The following CADM2 variants were observed in gnomAD, a reference collection of about 807,000 sequenced individuals.
CADM2 encodes immunoglobulin superfamily member 4D.
A neutral mutation model predicts 49.8 loss-of-function variants in CADM2; 12 were observed. That is an observed-to-expected ratio of 0.24 (90% confidence interval 0.15 to 0.39). CADM2 has a LOEUF of 0.39. Among genes scored for constraint, CADM2 ranks in the 10% least tolerant of loss-of-function variants. The pLI is 1.00. For missense variants in CADM2, 378 were observed against 492.3 expected (o/e 0.77, Z 2.20); for synonymous variants, 214 against 175.4 (o/e 1.22, Z -1.74).
intron 8 of CADM2, among the ~76,000 whole-genome samples, chr3:85,969,559 A>G (rs1559773521): frequency 6.6e-6 from 1 of 151,220 alleles, no homozygotes; most frequent in Non-Finnish European, 1.5e-5. Context: ...AATACTCTAC[A>G]AGACATATAT....
At chr3:85,710,750 G>A (rs527974835) in intron 1 of CADM2, among the ~76,000 whole-genome samples, 10 of 152,262 alleles carry the variant, frequency 6.6e-5, no homozygotes, top group Non-Finnish European at 1.2e-4. Flanking sequence ...TTTACTCATT[G>A]CATTTTTAAG....
chr3:85,714,755 T>A (rs563345189), intron 1 of CADM2, among the ~76,000 whole-genome samples: 8 of 152,042 alleles, frequency 5.3e-5, no homozygotes, highest in African/African-American at 1.9e-4. Context: ...TACTTGACCT[T>A]ATTCTGCTTC....
At chr3:85,413,033 C>T (rs1479846724) in intron 1 of CADM2, among the ~76,000 whole-genome samples, 3 of 144,982 alleles carry the variant, frequency 2.1e-5, no homozygotes, top group Non-Finnish European at 4.5e-5. Flanking sequence ...CCCAGCTATG[C>T]GGGAGGCTGA....
At chr3:85,519,557 G>A (rs73843639) in intron 1 of CADM2, among the ~76,000 whole-genome samples, 2,409 of 152,010 alleles carry the variant, frequency 0.016, 72 homozygotes, top group African/African-American at 0.055. Flanking sequence ...AGCCAATATC[G>A]TATGGCTTAT....
At chr3:85,073,148 T>C (rs773539847) in intron 1 of CADM2, among the ~76,000 whole-genome samples, 7 of 152,174 alleles carry the variant, frequency 4.6e-5, no homozygotes, top group Non-Finnish European at 8.8e-5. Flanking sequence ...AATGGACATT[T>C]ATTTGATGTG....
intron 1 of CADM2, among the ~76,000 whole-genome samples, chr3:85,638,882 A>G (rs2064609240): frequency 6.6e-6 from 1 of 152,132 alleles, no homozygotes; most frequent in Non-Finnish European, 1.5e-5. Context: ...TTCCTAAAAT[A>G]TTTCCCCAAT....
At chr3:85,075,367 G>A (rs1301598931) in intron 1 of CADM2, among the ~76,000 whole-genome samples, 1 of 151,970 alleles carries the variant, frequency 6.6e-6, no homozygotes, top group Non-Finnish European at 1.5e-5. Context: ...TGGAAGTTGT[G>A]AAAATAAATG....
chr3:85,451,712 A>G (rs2037755301), intron 1 of CADM2, among the ~76,000 whole-genome samples: 1 of 152,158 alleles, frequency 6.6e-6, no homozygotes, highest in African/African-American at 2.4e-5. Flanking sequence ...TATTCTGTGC[A>G]TAAGGCAGAT....
intron 1 of CADM2, among the ~76,000 whole-genome samples, chr3:85,359,662 A>ATTTTTTTT (rs71108279): frequency 1.5e-4 from 4 of 25,934 alleles, no homozygotes; most frequent in African/African-American, 4.8e-4. Flanking sequence ...ATATATATAT[A>ATTTTTTTT]TATATTTTTT....
intron 1 of CADM2, among the ~76,000 whole-genome samples, chr3:85,537,702 C>G (rs970882625): frequency 6.6e-6 from 1 of 151,736 alleles, no homozygotes; most frequent in African/African-American, 2.4e-5. Flanking sequence ...TGTAAAATAA[C>G]TACAAACTCA....
At position 85,186,086 on chromosome 3, in the gene CADM2, G is replaced by A. The variant is rs1253738543; in HGVS notation, c.61+226418G>A. Reference sequence around the variant, plus strand: ...GTATTTGAATACTGTTCAGGAGACTGTAGTTGCTGGAAATTTAGATTGTTT... The same window carrying A: ...GTATTTGAATACTGTTCAGGAGACTATAGTTGCTGGAAATTTAGATTGTTT... On this transcript the variant is annotated intron_variant, in intron 1 of 9. Coordinates refer to ENST00000383699, the MANE Select transcript of CADM2 (RefSeq NM_001167675.2). Among the ~76,000 whole-genome samples, 4 of 152,294 alleles carry A rather than the reference G, an allele frequency of 2.6e-5. No individual in the cohort carries two copies. In the East Asian group the frequency reaches 7.7e-4, roughly 29 times the overall value.
chr3:85,437,683 T>C (rs2036995512), intron 1 of CADM2, among the ~76,000 whole-genome samples: 1 of 151,976 alleles, frequency 6.6e-6, no homozygotes, highest in Non-Finnish European at 1.5e-5. Flanking sequence ...ATTATTTAAA[T>C]ATATTTAAAT....
intron 8 of CADM2, among the ~76,000 whole-genome samples, chr3:86,003,975 T>C (rs1730477961): frequency 6.6e-6 from 1 of 152,102 alleles, no homozygotes; most frequent in Admixed American, 6.6e-5. Flanking sequence ...TATACTTTCA[T>C]AGGTACTTGG....
intron 1 of CADM2, among the ~76,000 whole-genome samples, chr3:85,323,254 T>A (rs2044662806): frequency 6.6e-6 from 1 of 152,156 alleles, no homozygotes. Flanking sequence ...TTCTCATGGC[T>A]AAATTCAAAG....
At chr3:85,436,693 T>G (rs555461524) in intron 1 of CADM2, among the ~76,000 whole-genome samples, 12 of 152,194 alleles carry the variant, frequency 7.9e-5, no homozygotes, top group African/African-American at 2.9e-4. Context: ...TAAAGTAAAC[T>G]TTTTTATTTT....
chr3:85,635,944 T>G (rs1048383117), intron 1 of CADM2, among the ~76,000 whole-genome samples: 2 of 152,184 alleles, frequency 1.3e-5, no homozygotes, highest in African/African-American at 4.8e-5. Context: ...AATACATTAC[T>G]CATATGTTTC....
intron 1 of CADM2, among the ~76,000 whole-genome samples, chr3:85,285,448 G>C (rs1043409838): frequency 6.6e-6 from 1 of 151,998 alleles, no homozygotes; most frequent in African/African-American, 2.4e-5. Context: ...GATGAAGGAA[G>C]TTATCTGGAT....
At chr3:85,557,476 C>T (rs1219016952) in intron 1 of CADM2, among the ~76,000 whole-genome samples, 1 of 112,672 alleles carries the variant, frequency 8.9e-6, no homozygotes, top group East Asian at 4.8e-4. Flanking sequence ...TATTTCTGAG[C>T]AAGAGTTTTT....
At chr3:85,875,680 A>G (rs1577537154) in intron 3 of CADM2, among the ~76,000 whole-genome samples, 2 of 152,204 alleles carry the variant, frequency 1.3e-5, no homozygotes, top group African/African-American at 4.8e-5. Context: ...CAGTCCTGTT[A>G]GTGACCAGCT....
Sources: allele counts gnomAD v4.1 joint callset (sites outside exome capture counted in the v4.1 genomes callset), GRCh38; gene constraint gnomAD v4.1.1; transcripts MANE v1.5; gene names NCBI Gene and HGNC (gene_info 2026-07-23, HGNC 2026-07-21).